SLC9A8: variants seen among roughly 807,000 people sequenced by gnomAD.
SLC9A8 encodes sodium/hydrogen exchanger 8.
Under a neutral mutation model 66.6 loss-of-function variants are expected in SLC9A8, and 48 were observed. The ratio of observed to expected loss-of-function variants is 0.72; its 90% CI spans 0.57 to 0.92. The LOEUF is 0.92. Ranked by LOEUF, SLC9A8 falls within the 40% of genes least tolerant of loss-of-function variation. SLC9A8 has a pLI of 0.00. For synonymous variants in SLC9A8, 274 were observed against 282.6 expected (o/e 0.97, Z 0.31); for missense variants, 599 against 747.3 (o/e 0.80, Z 2.31).
At chr20:49,817,619 T>A (rs1036487968) in intron 2 of SLC9A8, among the ~76,000 whole-genome samples, 2 of 152,150 alleles carry the variant, frequency 1.3e-5, no homozygotes, top group Admixed American at 1.3e-4. Flanking sequence ...ATAGTGAGAC[T>A]CTGTCTCCAC....
chr20:49,873,771 CAAAAAAAAAA>C (rs35613935), intron 10 of SLC9A8, among the ~76,000 whole-genome samples: 4 of 60,228 alleles, frequency 6.6e-5, no homozygotes, highest in Admixed American at 4.0e-4. Flanking sequence ...AACTCCGTCT[CAAAAAAAAAA>C]AAAAAAAAAA....
chr20:49,845,573 C>T (rs2087949648), intron 5 of SLC9A8, among the ~76,000 whole-genome samples: 1 of 152,148 alleles, frequency 6.6e-6, no homozygotes, highest in Admixed American at 6.5e-5. Flanking sequence ...CCATGTCTCC[C>T]TCTCGGTGCC....
At chr20:49,869,549 A>G (rs2089121499) in intron 10 of SLC9A8, among the ~76,000 whole-genome samples, 1 of 145,644 alleles carries the variant, frequency 6.9e-6, no homozygotes, top group South Asian at 2.5e-4. Flanking sequence ...AGATGTTGGC[A>G]TGGGCCAGGC....
chr20:49,842,470 A>T (rs2087807567), intron 4 of SLC9A8, among the ~76,000 whole-genome samples: 1 of 152,232 alleles, frequency 6.6e-6, no homozygotes, highest in South Asian at 2.1e-4. Flanking sequence ...CTGCTGAAGC[A>T]TCAGAGGTCA....
At chr20:49,833,873 A>G (rs1223693413) in intron 3 of SLC9A8, among the ~76,000 whole-genome samples, 4 of 152,216 alleles carry the variant, frequency 2.6e-5, no homozygotes, top group Non-Finnish European at 4.4e-5. Flanking sequence ...AAGATCAACT[A>G]GGAGCAAAGG....
intron 11 of SLC9A8, among the ~76,000 whole-genome samples, chr20:49,877,650 G>A (rs537968500): frequency 6.6e-6 from 1 of 152,292 alleles, no homozygotes. Context: ...CGCAGTTGGG[G>A]CCCTTGCTAA....
intron 7 of SLC9A8, among the ~76,000 whole-genome samples, chr20:49,852,477 C>T (rs2088293927): frequency 6.6e-6 from 1 of 152,140 alleles, no homozygotes; most frequent in African/African-American, 2.4e-5. Flanking sequence ...TCGTTGCACA[C>T]GTTTTGTTTT....
intron 13 of SLC9A8, among the ~76,000 whole-genome samples, chr20:49,882,231 C>T (rs575451524): frequency 2.6e-5 from 4 of 152,324 alleles, no homozygotes; most frequent in East Asian, 1.9e-4. Context: ...GAGCCGTGCT[C>T]GCTCATTTTC....
At chr20:49,861,572 C>T (rs1270339829) in intron 8 of SLC9A8, among the ~76,000 whole-genome samples, 1 of 151,918 alleles carries the variant, frequency 6.6e-6, no homozygotes, top group Non-Finnish European at 1.5e-5. Context: ...TCATCTAGGC[C>T]ACTGAGTGGA....
chr20:49,833,808 T>C (rs1302401374), intron 3 of SLC9A8, among the ~76,000 whole-genome samples: 3 of 152,168 alleles, frequency 2.0e-5, no homozygotes, highest in Non-Finnish European at 4.4e-5. Context: ...TAATCATTAA[T>C]TGCTCCTGAT....
In SLC9A8 at chr20:49,826,920, A is replaced by G. The variant is rs185002670; in HGVS notation, c.289+3779A>G. 6.5e-4 allele frequency among the ~76,000 whole-genome samples: 98 copies of G among 151,664 alleles called. 2 individuals are homozygous for G. Among genetic ancestry groups the G allele is most frequent in the Middle Eastern group, 3.4e-3 (1 of 294 alleles). ...ATCATTTTTTCTGTTCTTTCCATGT[A>G]TTAGTTGAGTTCACATATTTATTTA... is the stretch of plus-strand genomic sequence containing the variant. On this transcript the variant is annotated intron_variant, in intron 3 of 15. Transcript: ENST00000361573.
At chr20:49,849,249 G>T (rs2088140450) in intron 5 of SLC9A8, among the ~76,000 whole-genome samples, 1 of 152,134 alleles carries the variant, frequency 6.6e-6, no homozygotes, top group Non-Finnish European at 1.5e-5. Flanking sequence ...GGAAATAGGG[G>T]TCCAGGTGAA....
intron 3 of SLC9A8, among the ~76,000 whole-genome samples, chr20:49,836,869 TGAAAGGAAGACAAA>T (rs2087557216): frequency 6.6e-6 from 1 of 152,096 alleles, no homozygotes; most frequent in Non-Finnish European, 1.5e-5. Flanking sequence ...ATTATAACTG[TGAAAGGAAGACAAA>T]TCTTGGGACC....
At chr20:49,876,193 A>G (rs1358209813) in intron 11 of SLC9A8, among the ~76,000 whole-genome samples, 1 of 152,220 alleles carries the variant, frequency 6.6e-6, no homozygotes, top group Non-Finnish European at 1.5e-5. Context: ...TATGCAGGCC[A>G]GGTCTCTTTA....
chr20:49,885,086 A>C (rs1210363009), intron 14 of SLC9A8, among the ~76,000 whole-genome samples: 1 of 152,212 alleles, frequency 6.6e-6, no homozygotes, highest in African/African-American at 2.4e-5. Flanking sequence ...CCCCTCACCC[A>C]GTGCAGTGCT....
chr20:49,885,998 C>T (rs891987075), intron 14 of SLC9A8, among the ~76,000 whole-genome samples: 7 of 152,142 alleles, frequency 4.6e-5, no homozygotes, highest in Non-Finnish European at 1.0e-4. Context: ...GTTTCACAGG[C>T]CCCCCAGGTA....
rs374786607 is a variant in SLC9A8 at position 49,823,731 on chromosome 20, G to A, written c.289+590G>A. 6.6e-5 allele frequency among the ~76,000 whole-genome samples: 10 copies of A among 152,342 alleles called. 1 individual carries two copies. Among genetic ancestry groups the A allele is most frequent in the African/African-American group, 2.2e-4 (9 of 41,580 alleles). ...ACACACAAGTTCATTGAAGTGGTTA[G>A]TGAAGGAAGAAGTGGGGAATTTCCG... On this transcript the variant is annotated intron_variant, in intron 3 of 15. Transcript: ENST00000361573.
intron 3 of SLC9A8, chr20:49,830,293 G>A: frequency 8.8e-7 from 1 of 1,138,926 alleles, no homozygotes; most frequent in Non-Finnish European, 1.3e-6. Flanking sequence ...CTAAAAATGG[G>A]TCACACAGTG....
intron 12 of SLC9A8, among the ~76,000 whole-genome samples, chr20:49,878,887 T>C (rs1023166738): frequency 6.6e-6 from 1 of 152,040 alleles, no homozygotes; most frequent in Admixed American, 6.6e-5. Context: ...CGTGGTGATA[T>C]GCGCCTGTAA....
Sources: gnomAD v4.1 joint callset for allele counts (sites outside exome capture counted in the v4.1 genomes callset) on GRCh38, gnomAD v4.1.1 for gene constraint, MANE v1.5 for transcripts, NCBI Gene and HGNC (gene_info 2026-07-23, HGNC 2026-07-21) for gene names.